The following GTF2IRD1 variants were observed in gnomAD, a reference collection of about 807,000 sequenced individuals.
The protein encoded by GTF2IRD1 is general transcription factor II-I repeat domain-containing protein 1.
In GTF2IRD1, 26 loss-of-function variants were observed where a neutral mutation model predicts 113.2. The ratio of observed to expected loss-of-function variants is 0.23; its 90% CI spans 0.17 to 0.32. The LOEUF (loss-of-function observed/expected upper bound fraction) is 0.32. Ranked by LOEUF, GTF2IRD1 falls within the 10% of genes least tolerant of loss-of-function variation. The pLI, the probability that GTF2IRD1 is intolerant of heterozygous loss-of-function variation, is 1.00. For synonymous variants in GTF2IRD1, 484 were observed against 529.1 expected (o/e 0.91, Z 1.17); for missense variants, 864 against 1,280.8 (o/e 0.67, Z 4.97).
intron 13 of GTF2IRD1, among the ~76,000 whole-genome samples, chr7:74,539,390 G>A (rs1204175190): frequency 8.5e-5 from 13 of 152,178 alleles, no homozygotes; most frequent in Non-Finnish European, 1.9e-4. Context: ...GGAGGCTGCA[G>A]TGAGCAGTCA....
intron 26 of GTF2IRD1, 192 bp from the exon 27 acceptor site, chr7:74,602,173 C>T (rs1027016219): frequency 4.8e-5 from 24 of 504,692 alleles, no homozygotes; most frequent in Non-Finnish European, 7.3e-5. Flanking sequence ...ACCCGCGGGG[C>T]CAAGGTTGCA....
chr7:74,521,798 A>C (rs1797317529), intron 7 of GTF2IRD1, among the ~76,000 whole-genome samples: 1 of 152,170 alleles, frequency 6.6e-6, no homozygotes, highest in South Asian at 2.1e-4. Context: ...AAATAACCCC[A>C]AAATGGAGCT....
At chr7:74,487,817 TAACA>T (rs1364330335) in intron 1 of GTF2IRD1, among the ~76,000 whole-genome samples, 5 of 152,204 alleles carry the variant, frequency 3.3e-5, no homozygotes, top group African/African-American at 9.6e-5. Context: ...TATTTTAAAC[TAACA>T]AAGATGCTTC....
chr7:74,563,170 C>T (rs1213275794), intron 22 of GTF2IRD1, among the ~76,000 whole-genome samples: 5 of 146,258 alleles, frequency 3.4e-5, no homozygotes, highest in African/African-American at 7.6e-5. Context: ...GGTGGGATCT[C>T]GGTGCAAAGA....
chr7:74,457,357 C>T (rs562501687), intron 1 of GTF2IRD1, among the ~76,000 whole-genome samples: 2 of 152,298 alleles, frequency 1.3e-5, no homozygotes, highest in Non-Finnish European at 1.5e-5. Flanking sequence ...TCCCCAATTG[C>T]ACTAGGGACA....
chr7:74,532,487 G>T (rs1228299321), intron 9 of GTF2IRD1, among the ~76,000 whole-genome samples: 3 of 152,198 alleles, frequency 2.0e-5, no homozygotes, highest in African/African-American at 7.2e-5. Context: ...CCAGGAATTG[G>T]AGGCTGCAGT....
In GTF2IRD1 at chr7:74,529,757, A is replaced by G. The variant is rs1797848846; in HGVS notation, c.1114A>G (p.Met372Val). 3 of 1,613,924 alleles carry G rather than the reference A, an allele frequency of 1.9e-6. No individual in the cohort carries two copies. Among genetic ancestry groups the G allele is most frequent in the Middle Eastern group, 1.6e-4 (1 of 6,084 alleles). The change falls in exon 9 of 27, where the codon ATG becomes GTG. Residue 372 changes from methionine to valine, a missense_variant. Around this residue, in one of 7 missense-constraint regions of GTF2IRD1, gnomAD observed 218 missense variants for 352.6 expected, o/e 0.62. Coordinates refer to ENST00000424337, the MANE Select transcript of GTF2IRD1 (RefSeq NM_005685.4). ...RYAEALGLDH[M>V]VPVPYRKIAC... ...AGCGGAAGCCCTGGGCCTGGACCAC[A>G]TGGTCCCCGTGCCCTACCGGAAGAT...
chr7:74,592,868 G>T (rs11978193), intron 24 of GTF2IRD1, among the ~76,000 whole-genome samples: 3 of 151,808 alleles, frequency 2.0e-5, no homozygotes, highest in South Asian at 4.2e-4. Flanking sequence ...TTGTTTCTTC[G>T]TTTTTTTGAG....
chr7:74,455,917 A>C (rs1456444993), intron 1 of GTF2IRD1, among the ~76,000 whole-genome samples: 1 of 152,176 alleles, frequency 6.6e-6, no homozygotes, highest in Non-Finnish European at 1.5e-5. Context: ...AATGTTCGAG[A>C]ACTTAAGGCC....
At chr7:74,589,483 A>G (rs1316196338) in intron 22 of GTF2IRD1, among the ~76,000 whole-genome samples, 1 of 151,996 alleles carries the variant, frequency 6.6e-6, no homozygotes, top group Non-Finnish European at 1.5e-5. Flanking sequence ...GGATCACCTG[A>G]GCCAGGAGTT....
intron 1 of GTF2IRD1, among the ~76,000 whole-genome samples, chr7:74,474,927 A>G (rs140798722): frequency 6.6e-6 from 1 of 152,266 alleles, no homozygotes; most frequent in Non-Finnish European, 1.5e-5. Flanking sequence ...AGCCTTGGCA[A>G]CATAGCAAAA....
intron 6 of GTF2IRD1, among the ~76,000 whole-genome samples, chr7:74,520,973 A>AC (rs1651635927): frequency 1.3e-5 from 2 of 151,314 alleles, no homozygotes. Flanking sequence ...GGAAAAGGTA[A>AC]CCTCCGACAT....
Position 74,512,744 on chromosome 7 carries a change from A to G in GTF2IRD1, c.124-86A>G. 3 of 1,301,350 alleles carry G rather than the reference A, an allele frequency of 2.3e-6. No individual in the cohort carries two copies. The highest frequency in any genetic ancestry group is 3.2e-6 in the Non-Finnish European group (3 of 931,880). The allele number at this position is 1,301,350 out of a possible 1,614,324, so 80.6% of individuals were successfully genotyped here. A position where few individuals can be genotyped will look rare whatever the true frequency, so the allele number is the denominator to read the frequency against. ...GCTGCTGGGGTCTCAGGCAGCTGGGAGCTCACATCCCACCCCCGAAGTGGA... is the reference window on the plus strand; with the variant it reads ...GCTGCTGGGGTCTCAGGCAGCTGGGGGCTCACATCCCACCCCCGAAGTGGA... On this transcript the variant is annotated intron_variant, in intron 2 of 26. Coordinates refer to ENST00000424337, the MANE Select transcript of GTF2IRD1 (RefSeq NM_005685.4). This position sits in a 1 kb window ranked among gnomAD's most constrained non-coding sequence, Gnocchi z 4.4.
At chr7:74,527,204 T>C (rs1421934977) in intron 8 of GTF2IRD1, among the ~76,000 whole-genome samples, 12 of 152,114 alleles carry the variant, frequency 7.9e-5, no homozygotes, top group African/African-American at 2.9e-4. Flanking sequence ...AGTACTTGCT[T>C]AAGGCCAGGA....
chr7:74,538,570 A>C, intron 12 of GTF2IRD1, 110 bp from the exon 13 acceptor site: 2 of 804,600 alleles, frequency 2.5e-6, no homozygotes, highest in East Asian at 4.8e-5. Context: ...GACTTGTCCT[A>C]GGTAGGGCCT....
At chr7:74,469,147 G>A (rs181522182) in intron 1 of GTF2IRD1, among the ~76,000 whole-genome samples, 19 of 152,144 alleles carry the variant, frequency 1.2e-4, no homozygotes, top group African/African-American at 4.6e-4. Flanking sequence ...GTAGGTATTT[G>A]GAGGCTGGGA....
At chr7:74,474,079 AAAC>A (rs372727985) in intron 1 of GTF2IRD1, among the ~76,000 whole-genome samples, 13,016 of 53,372 alleles carry the variant, frequency 0.24, 811 homozygotes, top group African/African-American at 0.27. Context: ...CAAAAAAAAA[AAAC>A]AAACAAAAAA....
chr7:74,528,389 G>T (rs1412821522), intron 8 of GTF2IRD1, among the ~76,000 whole-genome samples: 1 of 152,090 alleles, frequency 6.6e-6, no homozygotes, highest in Non-Finnish European at 1.5e-5. Flanking sequence ...TTTTTATAGA[G>T]ATGGCTTCTT....
chr7:74,544,266 A>G (rs1554352542), intron 14 of GTF2IRD1, among the ~76,000 whole-genome samples: 3 of 151,920 alleles, frequency 2.0e-5, no homozygotes, highest in Admixed American at 2.0e-4. Context: ...CCTCGCTGCA[A>G]CCTCCGCCTC....
Sources: gnomAD v4.1 joint callset for allele counts (sites outside exome capture counted in the v4.1 genomes callset) on GRCh38, gnomAD v4.1.1 for gene constraint, gnomAD v4.1.1 regional missense constraint, Gnocchi (gnomAD v3.1) non-coding constraint, MANE v1.5 for transcripts, NCBI Gene and HGNC (gene_info 2026-07-23, HGNC 2026-07-21) for gene names.